Variants in HERC1 observed in about 807,000 individuals in gnomAD.
HERC1 encodes HECT and RLD domain containing E3 ubiquitin protein ligase family member 1.
HERC1 carries 160 observed loss-of-function variants against 554.3 expected under a neutral mutation model. That is an observed-to-expected ratio of 0.29 (90% CI 0.25 to 0.33). The LOEUF (loss-of-function observed/expected upper bound fraction) is 0.33. Among genes scored for constraint, HERC1 ranks in the 10% least tolerant of loss-of-function variants. HERC1 has a pLI of 1.00. For synonymous variants in HERC1, 2,175 were observed against 2,131.7 expected (o/e 1.02, Z -0.56); for missense variants, 4,919 against 5,918.5 (o/e 0.83, Z 5.54).
At position 63,642,945 on chromosome 15, in the gene HERC1, C is replaced by A; in HGVS notation, c.11433+12G>T. 1 of 1,472,394 alleles carries A rather than the reference C, an allele frequency of 6.8e-7. No homozygotes were observed. Among genetic ancestry groups the A allele is most frequent in the South Asian group, 1.1e-5 (1 of 87,542 alleles). 91.2% of individuals were successfully genotyped at this position (1,472,394 alleles called of 1,614,324 possible). On this transcript the variant is annotated intron_variant, in intron 59 of 77. Coordinates refer to ENST00000443617, the MANE Select transcript of HERC1 (RefSeq NM_003922.4). ...GCTTACACCCTATCATTTGATATAA[C>A]TACAATATTACCTTTGATCTATTTG...
rs1399325980 is a variant in HERC1 at position 63,710,540 on chromosome 15, C to T, written c.4584+2235G>A. Among the ~76,000 whole-genome samples the T allele has an allele frequency of 2.6e-5, 4 of 152,220 alleles. No individual in the cohort carries two copies. In the East Asian group the frequency reaches 5.8e-4, roughly 22 times the overall value. Reference sequence around the variant, plus strand: ...GAAGTGAATAAAACAGCAAAAAATTCCTGTCCTTAAAGAGCTTATATTCTA... The same window carrying T: ...GAAGTGAATAAAACAGCAAAAAATTTCTGTCCTTAAAGAGCTTATATTCTA... On this transcript the variant is annotated intron_variant, in intron 24 of 77. Coordinates refer to ENST00000443617, the MANE Select transcript of HERC1 (RefSeq NM_003922.4).
chr15:63,833,351 G>A (rs1289344634), intron 1 of HERC1, among the ~76,000 whole-genome samples: 1 of 152,206 alleles, frequency 6.6e-6, no homozygotes, highest in Non-Finnish European at 1.5e-5. Context: ...AAGGCGGCCG[G>A]CGCCTGGGGA....
chr15:63,805,176 T>C (rs1227886453), intron 1 of HERC1, among the ~76,000 whole-genome samples: 3 of 152,180 alleles, frequency 2.0e-5, no homozygotes, highest in Admixed American at 2.0e-4. Flanking sequence ...GAAACTCGAC[T>C]GTCCATCATC....
In HERC1 at chr15:63,674,451, G is replaced by A; in HGVS notation, c.7737C>T (p.Pro2579=). The A allele has an allele frequency of 6.2e-7, 1 of 1,613,868 alleles. No homozygotes were observed. Among genetic ancestry groups the A allele is most frequent in the Non-Finnish European group, 8.5e-7 (1 of 1,179,864 alleles). The change falls in exon 38 of 78, where the codon CCC becomes CCT. Residue 2579 remains proline (P), a synonymous_variant. Transcript: ENST00000443617. ...HMVKRAVMRS[P]IKRALGLADL... ...CAGCTAATCCCAATGCTCTCTTTAT[G>A]GGTGACCGCATGACTGCTCGCTTCA... is the stretch of plus-strand genomic sequence containing the variant.
At chr15:63,833,568 C>T (rs1261611116) in intron 1 of HERC1, among the ~76,000 whole-genome samples, 1 of 151,956 alleles carries the variant, frequency 6.6e-6, no homozygotes, top group African/African-American at 2.4e-5. Flanking sequence ...GGCTTCTACG[C>T]TGCTCCGAGG....
intron 2 of HERC1, among the ~76,000 whole-genome samples, chr15:63,766,157 AT>A (rs2075769668): frequency 6.6e-6 from 1 of 151,972 alleles, no homozygotes; most frequent in Non-Finnish European, 1.5e-5. Flanking sequence ...ATTAGTAAAT[AT>A]TAAAATGTAT....
intron 71 of HERC1, among the ~76,000 whole-genome samples, chr15:63,624,908 C>G (rs970670358): frequency 2.6e-5 from 4 of 151,990 alleles, no homozygotes; most frequent in African/African-American, 9.7e-5. Flanking sequence ...ATAGAGATGC[C>G]CCATTAATAA....
chr15:63,680,518 T>C lies in HERC1; in HGVS notation c.6465+19A>G, dbSNP rs370911563. On this transcript the variant is annotated intron_variant, in intron 35 of 77. Coordinates refer to ENST00000443617, the MANE Select transcript of HERC1 (RefSeq NM_003922.4). This position sits in a 1 kb window ranked among gnomAD's most constrained non-coding sequence, Gnocchi z 5.8. ...ATAGAAACAAGAAAAATGTAATGCT[T>C]GTGAATGGGTGTCGGTACCTCTCCA... is the stretch of plus-strand genomic sequence containing the variant. The C allele has an allele frequency of 1.9e-5, 31 of 1,611,140 alleles. No individual in the cohort carries two copies. The African/African-American group carries it at 3.3e-4, about 17-fold the overall frequency.
chr15:63,774,278 GC>G (rs1183300470), intron 2 of HERC1, among the ~76,000 whole-genome samples: 1 of 152,126 alleles, frequency 6.6e-6, no homozygotes, highest in East Asian at 1.9e-4. Context: ...TATCCTCAAG[GC>G]TGTTGCCCCA....
At chr15:63,726,227 CG>C (rs1378286813) in intron 17 of HERC1, among the ~76,000 whole-genome samples, 3 of 152,160 alleles carry the variant, frequency 2.0e-5, no homozygotes, top group Non-Finnish European at 2.9e-5. Flanking sequence ...GGTGATCCGG[CG>C]GCCTCAGCCT....
At chr15:63,622,935 T>G (rs1305050836) in intron 73 of HERC1, 44 bp from the exon 74 acceptor site, 1 of 1,255,298 alleles carries the variant, frequency 8.0e-7, no homozygotes, top group Non-Finnish European at 1.1e-6. Context: ...GACAATCAAA[T>G]GCATGAAGAG....
At chr15:63,767,252 C>T (rs1241082038) in intron 2 of HERC1, among the ~76,000 whole-genome samples, 1 of 151,804 alleles carries the variant, frequency 6.6e-6, no homozygotes, top group Non-Finnish European at 1.5e-5. Flanking sequence ...ATCCACCCGT[C>T]TCGGCCTCCC....
At chr15:63,615,478 C>T (rs1250377803) in intron 76 of HERC1, among the ~76,000 whole-genome samples, 3 of 152,198 alleles carry the variant, frequency 2.0e-5, no homozygotes, top group Non-Finnish European at 4.4e-5. Flanking sequence ...GGCGTGGTGA[C>T]ACATGCCTGT....
intron 1 of HERC1, among the ~76,000 whole-genome samples, chr15:63,800,675 T>C (rs2144744341): frequency 6.6e-6 from 1 of 152,340 alleles, no homozygotes; most frequent in Non-Finnish European, 1.5e-5. Flanking sequence ...TGGTTTGCAA[T>C]TATATATAAT....
chr15:63,731,749 A>G (rs1289129124), intron 14 of HERC1, among the ~76,000 whole-genome samples: 1 of 152,164 alleles, frequency 6.6e-6, no homozygotes, highest in African/African-American at 2.4e-5. Context: ...ATTGATACAC[A>G]AACAATTCAA....
intron 57 of HERC1, among the ~76,000 whole-genome samples, chr15:63,644,462 A>T (rs1199461983): frequency 6.6e-6 from 1 of 152,058 alleles, no homozygotes; most frequent in Non-Finnish European, 1.5e-5. Flanking sequence ...ACTGACAATC[A>T]GCTGTGTGCC....
At chr15:63,760,435 C>CAAAAAAAA (rs34164820) in intron 3 of HERC1, among the ~76,000 whole-genome samples, 9 of 91,406 alleles carry the variant, frequency 9.8e-5, no homozygotes, top group South Asian at 4.3e-4. Flanking sequence ...AGACACCATC[C>CAAAAAAAA]AAAAAAAAAA....
intron 13 of HERC1, among the ~76,000 whole-genome samples, chr15:63,733,642 C>A (rs1425375232): frequency 6.6e-6 from 1 of 151,980 alleles, no homozygotes; most frequent in Non-Finnish European, 1.5e-5. Flanking sequence ...CCGCTTGAGT[C>A]CAGGAATTCA....
At chr15:63,774,542 A>G (rs1474333653) in intron 2 of HERC1, among the ~76,000 whole-genome samples, 152 bp downstream of exon 2, 1 of 152,240 alleles carries the variant, frequency 6.6e-6, no homozygotes. Flanking sequence ...CATGCATAAA[A>G]GTTTCTTCAC....
Sources: allele counts gnomAD v4.1 joint callset (sites outside exome capture counted in the v4.1 genomes callset), GRCh38; gene constraint gnomAD v4.1.1; non-coding constraint Gnocchi (gnomAD v3.1); transcripts MANE v1.5; gene names NCBI Gene and HGNC (gene_info 2026-07-23, HGNC 2026-07-21).